VPS53: variants seen among roughly 807,000 people sequenced by gnomAD.
VPS53 encodes the protein VPS53 subunit of GARP complex.
Under a neutral mutation model 107.0 loss-of-function variants are expected in VPS53, and 70 were observed. The observed-to-expected ratio is 0.65, with a 90% confidence interval of 0.54 to 0.80. The LOEUF is 0.80. VPS53 is among the 30% of genes least tolerant of loss of function. The pLI is 0.00. For synonymous variants in VPS53, 409 were observed against 393.3 expected (o/e 1.04, Z -0.47); for missense variants, 917 against 1,049.4 (o/e 0.87, Z 1.74).
At chr17:683,424 A>G (rs1421761660) in intron 4 of VPS53, among the ~76,000 whole-genome samples, 3 of 152,202 alleles carry the variant, frequency 2.0e-5, no homozygotes, top group Admixed American at 1.3e-4. Flanking sequence ...CCAAGCAAAA[A>G]TATTTTTAAA....
At chr17:538,563 A>G (rs1409213653) in intron 17 of VPS53, 4 of 152,246 alleles carry the variant, frequency 2.6e-5, no homozygotes, top group African/African-American at 9.6e-5. Flanking sequence ...ATGATTCTCC[A>G]GCTGTGGGAA....
intron 8 of VPS53, among the ~76,000 whole-genome samples, chr17:628,849 G>A (rs1436254688): frequency 3.9e-5 from 6 of 152,216 alleles, no homozygotes; most frequent in Non-Finnish European, 2.9e-5. Flanking sequence ...AGCGAACACT[G>A]GAAAGATACC....
At chr17:648,532 T>C (rs750757272) in intron 7 of VPS53, among the ~76,000 whole-genome samples, 4 of 152,174 alleles carry the variant, frequency 2.6e-5, no homozygotes, top group Non-Finnish European at 4.4e-5. Flanking sequence ...GCCTGGGCGA[T>C]GGAGTGAGAC....
chr17:666,525 G>T (rs775373020), intron 4 of VPS53, among the ~76,000 whole-genome samples: 2 of 152,008 alleles, frequency 1.3e-5, no homozygotes, highest in Admixed American at 6.6e-5. Context: ...TTAGCCGGGC[G>T]TGGTGGCAGG....
chr17:632,313 C>T (rs1415020481), intron 7 of VPS53, among the ~76,000 whole-genome samples: 5 of 152,060 alleles, frequency 3.3e-5, no homozygotes. Context: ...AACTGCTGTC[C>T]TACTCCTTGG....
intron 19 of VPS53, among the ~76,000 whole-genome samples, chr17:529,869 C>CAA (rs59345629): frequency 0.048 from 5,876 of 122,220 alleles, 171 homozygotes; most frequent in African/African-American, 0.084. Flanking sequence ...CTATATCTAC[C>CAA]AAAAAAAAAA....
At chr17:536,086 A>G (rs1910037163) in intron 18 of VPS53, among the ~76,000 whole-genome samples, 1 of 152,186 alleles carries the variant, frequency 6.6e-6, no homozygotes, top group South Asian at 2.1e-4. Context: ...TATCACGGAA[A>G]ATGGTGCTAA....
chr17:547,665 T>C (rs1249974467), intron 17 of VPS53, among the ~76,000 whole-genome samples: 2 of 152,034 alleles, frequency 1.3e-5, no homozygotes, highest in African/African-American at 2.4e-5. Flanking sequence ...TAAAATAGAG[T>C]CTCACTCTGT....
At chr17:658,965 CCT>C (rs986822443) in intron 5 of VPS53, among the ~76,000 whole-genome samples, 2 of 151,992 alleles carry the variant, frequency 1.3e-5, no homozygotes, top group African/African-American at 4.8e-5. Context: ...CTATAAAAAG[CCT>C]CTTTCATGGG....
chr17:698,823 T>G (rs534675035), intron 3 of VPS53, among the ~76,000 whole-genome samples: 1 of 152,212 alleles, frequency 6.6e-6, no homozygotes, highest in Non-Finnish European at 1.5e-5. Context: ...GTATGAAGAA[T>G]TGAAGACTGG....
intron 4 of VPS53, chr17:676,529 T>C (rs969060131): frequency 6.6e-6 from 1 of 152,212 alleles, no homozygotes; most frequent in African/African-American, 2.4e-5. Flanking sequence ...ATTTTCCTCT[T>C]GAGACGCAGA....
At chr17:657,168 C>G in intron 5 of VPS53, 1 of 1,512,394 alleles carries the variant, frequency 6.6e-7, no homozygotes, top group East Asian at 2.3e-5. Context: ...CATGAGTCAC[C>G]AGATGAGGGA....
At chr17:678,272 A>G (rs924996625) in intron 4 of VPS53, among the ~76,000 whole-genome samples, 2 of 151,444 alleles carry the variant, frequency 1.3e-5, no homozygotes, top group African/African-American at 4.8e-5. Context: ...ATACAAAAAA[A>G]TTAGCTGGAC....
intron 12 of VPS53, among the ~76,000 whole-genome samples, chr17:596,296 G>C (rs777815053): frequency 6.0e-4 from 92 of 152,286 alleles, no homozygotes; most frequent in Middle Eastern, 3.4e-3. Flanking sequence ...CATCTCTTAG[G>C]TATAAAATAC....
At chr17:619,473 C>A (rs1344097601) in intron 11 of VPS53, among the ~76,000 whole-genome samples, 1 of 146,824 alleles carries the variant, frequency 6.8e-6, no homozygotes. Flanking sequence ...AGGCGTGCAC[C>A]ACCACGCCTG....
intron 4 of VPS53, among the ~76,000 whole-genome samples, chr17:672,136 A>ACACC (rs1412720684): frequency 6.7e-6 from 1 of 148,404 alleles, no homozygotes; most frequent in Non-Finnish European, 1.5e-5. Flanking sequence ...ACACACACAC[A>ACACC]CACACACACA....
rs1567689881 is a variant in VPS53 at position 629,812 on chromosome 17, CACACACACACA to C, written c.688-1592_688-1582del. ...TAAAAACAAAACAAAAAAAAAACCACACACACACACACACACACACACACACACACACACGA... is the reference window on the plus strand; with the variant it reads ...TAAAAACAAAACAAAAAAAAAACCACCACACACACACACACACACACACGA... On this transcript the variant is annotated intron_variant, in intron 8 of 21. Transcript: ENST00000437048. 4.1e-3 allele frequency among the ~76,000 whole-genome samples: 34 copies of C among 8,274 alleles called. No homozygotes were observed. The East Asian group carries it at 0.083, about 20-fold the overall frequency. The allele number at this position is 8,274 out of a possible 152,430, so 5.4% of individuals were successfully genotyped here.
chr17:509,802 C>T lies in VPS53; in HGVS notation c.*9326G>A, dbSNP rs1196490421. ...TCACATATCAAATCCTGGCTCGCCC[C>T]TCACTAGCCACATATCAAATCCTGA... On this transcript the variant is annotated 3_prime_UTR_variant, in exon 22 of 22. Transcript: ENST00000437048. The T allele has an allele frequency of 1.1e-5, 2 of 179,732 alleles. No individual in the cohort carries two copies. The highest frequency in any genetic ancestry group is 2.4e-5 in the Non-Finnish European group (2 of 84,224). The allele number at this position is 179,732 out of a possible 1,614,324, so 11.1% of individuals were successfully genotyped here. A position where few individuals can be genotyped will look rare whatever the true frequency, so the allele number is the denominator to read the frequency against.
rs1811286 is a variant in VPS53, at chr17:630,202, G to C, written c.687+1348C>G. Among the ~76,000 whole-genome samples the C allele has an allele frequency of 9.1e-4, 138 of 151,964 alleles. 4 individuals are homozygous for C. In the East Asian group the frequency reaches 0.012, roughly 14 times the overall value. Reference sequence around the variant, plus strand: ...CCAGCTATTTGGGAGGCTGAGGCAGGAATCACTTGAACCCAGGGGGCGGAG... The same window carrying C: ...CCAGCTATTTGGGAGGCTGAGGCAGCAATCACTTGAACCCAGGGGGCGGAG... On this transcript the variant is annotated intron_variant, in intron 8 of 21. Coordinates refer to ENST00000437048, the MANE Select transcript of VPS53 (RefSeq NM_001128159.3).
Sources: allele counts gnomAD v4.1 joint callset (sites outside exome capture counted in the v4.1 genomes callset), GRCh38; gene constraint gnomAD v4.1.1; transcripts MANE v1.5; gene names NCBI Gene and HGNC (gene_info 2026-07-23, HGNC 2026-07-21).